Variants in GPHN observed in about 807,000 individuals in gnomAD.
GPHN encodes gephyrin.
GPHN carries 17 observed loss-of-function variants against 95.5 expected under a neutral mutation model. The observed-to-expected ratio is 0.18, with a 90% confidence interval of 0.12 to 0.27. GPHN has a LOEUF of 0.27. GPHN is among the 10% of genes least tolerant of loss of function. GPHN has a pLI of 1.00. For missense variants in GPHN, 660 were observed against 978.1 expected, an observed-to-expected ratio of 0.67 and a Z score of 4.34; for synonymous variants, 320 against 322.5, an observed-to-expected ratio of 0.99 and a Z score of 0.08.
chr14:66,545,563 A>C (rs1453800142), intron 1 of GPHN, among the ~76,000 whole-genome samples: 2 of 55,366 alleles, frequency 3.6e-5, no homozygotes, highest in Non-Finnish European at 2.7e-5. Context: ...CGGGGGGCTG[A>C]CCCCCCCACC....
the GPHN span, among the ~76,000 whole-genome samples, chr14:67,676,606 GA>G: frequency 6.6e-6 from 1 of 152,142 alleles, no homozygotes; most frequent in African/African-American, 2.4e-5. Flanking sequence ...GGATGATCAA[GA>G]AATGTGGAAA....
chr14:66,800,066 G>A (rs897887215), intron 3 of GPHN, among the ~76,000 whole-genome samples: 1 of 151,884 alleles, frequency 6.6e-6, no homozygotes, highest in African/African-American at 2.4e-5. Flanking sequence ...AAACAAACAA[G>A]CAAGCAAGCC....
chr14:67,043,654 A>T (rs988198141), intron 10 of GPHN, among the ~76,000 whole-genome samples: 3 of 152,160 alleles, frequency 2.0e-5, no homozygotes, highest in Non-Finnish European at 4.4e-5. Context: ...GAATTTTTGC[A>T]TCGATGTTCA....
intron 2 of GPHN, among the ~76,000 whole-genome samples, chr14:66,725,738 C>T (rs1039120486): frequency 6.6e-6 from 1 of 152,168 alleles, no homozygotes; most frequent in African/African-American, 2.4e-5. Flanking sequence ...TATGAAAATA[C>T]AGAATACTGA....
At chr14:67,729,320 A>G in the GPHN span, 11 of 1,600,224 alleles carry the variant, frequency 6.9e-6, no homozygotes, top group Non-Finnish European at 8.5e-6. Context: ...GAGGGGGCGC[A>G]GACCAGCCTG....
At chr14:67,493,738 A>G in the GPHN span, among the ~76,000 whole-genome samples, 10 of 152,130 alleles carry the variant, frequency 6.6e-5, no homozygotes, top group African/African-American at 2.2e-4. Flanking sequence ...ATCAGAGCCA[A>G]TCCTGAGATT....
chr14:67,654,253 G>A, the GPHN span, among the ~76,000 whole-genome samples: 5 of 152,098 alleles, frequency 3.3e-5, no homozygotes, highest in African/African-American at 7.2e-5. Flanking sequence ...ACAGGTGCAC[G>A]CCACCACACC....
At chr14:67,542,786 C>T in the GPHN span, among the ~76,000 whole-genome samples, 3 of 152,218 alleles carry the variant, frequency 2.0e-5, no homozygotes, top group East Asian at 1.9e-4. Context: ...CCACAATCTC[C>T]GCCTCCTGGG....
At chr14:67,626,020 G>A in the GPHN span, among the ~76,000 whole-genome samples, 1 of 152,164 alleles carries the variant, frequency 6.6e-6, no homozygotes, top group Non-Finnish European at 1.5e-5. Flanking sequence ...TTGGGAGGCT[G>A]AGGCGGGCAG....
intron 4 of GPHN, among the ~76,000 whole-genome samples, chr14:66,842,284 G>A (rs899302057): frequency 1.3e-5 from 2 of 152,034 alleles, no homozygotes; most frequent in African/African-American, 4.8e-5. Context: ...TTTCAAAGAG[G>A]TAGGTAGTTT....
intron 1 of GPHN, among the ~76,000 whole-genome samples, chr14:66,632,527 C>T (rs2063870699): frequency 6.8e-6 from 1 of 146,756 alleles, no homozygotes; most frequent in Non-Finnish European, 1.5e-5. Flanking sequence ...GGAGTTTTGC[C>T]CTGTCACCCA....
chr14:67,228,409 A>C, the GPHN span: 2 of 425,166 alleles, frequency 4.7e-6, no homozygotes, highest in Non-Finnish European at 6.3e-6. Context: ...AAATGAACTG[A>C]CTTCTCCACC....
intron 3 of GPHN, among the ~76,000 whole-genome samples, chr14:66,819,268 G>A (rs1355867259): frequency 6.6e-6 from 1 of 152,108 alleles, no homozygotes; most frequent in Non-Finnish European, 1.5e-5. Flanking sequence ...TTTTGTATAT[G>A]GTGTAAGGAA....
chr14:67,370,157 G>A, the GPHN span, among the ~76,000 whole-genome samples: 1 of 152,254 alleles, frequency 6.6e-6, no homozygotes, highest in Non-Finnish European at 1.5e-5. Flanking sequence ...ATGCCTTTAA[G>A]CAGTTTTCTG....
intron 4 of GPHN, among the ~76,000 whole-genome samples, chr14:66,871,145 TCTA>T (rs2063419261): frequency 6.6e-6 from 1 of 152,230 alleles, no homozygotes; most frequent in Non-Finnish European, 1.5e-5. Context: ...TGAGGTTTGT[TCTA>T]CTCACTACTG....
chr14:67,401,667 T>C, the GPHN span, among the ~76,000 whole-genome samples: 1 of 152,170 alleles, frequency 6.6e-6, no homozygotes, highest in African/African-American at 2.4e-5. Flanking sequence ...ACCTTGATAT[T>C]GGACTTCTAT....
chr14:67,108,758 AT>A (rs1329016776), intron 13 of GPHN, among the ~76,000 whole-genome samples: 1 of 100,756 alleles, frequency 9.9e-6, no homozygotes, highest in African/African-American at 3.7e-5. Context: ...TGTGTGGTTT[AT>A]TTTACTTTGT....
At chr14:66,682,705 G>A (rs1014125608) in intron 2 of GPHN, among the ~76,000 whole-genome samples, 1 of 152,058 alleles carries the variant, frequency 6.6e-6, no homozygotes, top group Non-Finnish European at 1.5e-5. Flanking sequence ...AGCTGAGATT[G>A]CACCACTGCA....
the GPHN span, chr14:67,705,841 G>C: frequency 6.6e-6 from 1 of 152,044 alleles, no homozygotes; most frequent in Non-Finnish European, 1.5e-5. Context: ...TTTCCCTAGG[G>C]AAAATGATAT....
Sources: gnomAD v4.1 joint callset for allele counts (sites outside exome capture counted in the v4.1 genomes callset) on GRCh38, gnomAD v4.1.1 for gene constraint, MANE v1.5 for transcripts, NCBI Gene and HGNC (gene_info 2026-07-23, HGNC 2026-07-21) for gene names.